The following ANKS1B variants were observed in gnomAD, a reference collection of about 807,000 sequenced individuals.
ANKS1B encodes the protein ankyrin repeat and sterile alpha motif domain containing 1B.
In ANKS1B, 36 loss-of-function variants were observed where a neutral mutation model predicts 148.3. The observed-to-expected ratio is 0.24, with a 90% CI of 0.19 to 0.32. The LOEUF is 0.32. ANKS1B is among the 10% of genes least tolerant of loss of function. The pLI, the probability that ANKS1B is intolerant of heterozygous loss-of-function variation, is 1.00. For synonymous variants in ANKS1B, 542 were observed against 560.8 expected, an observed-to-expected ratio of 0.97 and a Z score of 0.47; for missense variants, 1,157 against 1,542.6, an observed-to-expected ratio of 0.75 and a Z score of 4.19.
intron 17 of ANKS1B, among the ~76,000 whole-genome samples, chr12:98,984,822 C>A (rs770050475): frequency 6.6e-6 from 1 of 152,028 alleles, no homozygotes; most frequent in Non-Finnish European, 1.5e-5. Flanking sequence ...CCAGCCTGGG[C>A]AACATAGTGA....
intron 14 of ANKS1B, among the ~76,000 whole-genome samples, chr12:99,228,229 T>A (rs1264426875): frequency 6.6e-6 from 1 of 152,160 alleles, no homozygotes; most frequent in Non-Finnish European, 1.5e-5. Context: ...AGCAATCAGA[T>A]CTCTGAGCTC....
At chr12:99,203,678 C>T (rs1030325853) in intron 14 of ANKS1B, among the ~76,000 whole-genome samples, 1 of 152,150 alleles carries the variant, frequency 6.6e-6, no homozygotes, top group Non-Finnish European at 1.5e-5. Context: ...GTCTTGATCT[C>T]CTGACCTCGT....
intron 9 of ANKS1B, among the ~76,000 whole-genome samples, chr12:99,572,904 C>A (rs996503233): frequency 6.6e-6 from 1 of 151,900 alleles, no homozygotes; most frequent in East Asian, 1.9e-4. Context: ...TGTTTACATT[C>A]TTACGGTATA....
At chr12:99,687,756 T>C (rs2098657758) in intron 8 of ANKS1B, among the ~76,000 whole-genome samples, 1 of 152,222 alleles carries the variant, frequency 6.6e-6, no homozygotes, top group Non-Finnish European at 1.5e-5. Flanking sequence ...GTTTTATATA[T>C]ACATAATATA....
intron 17 of ANKS1B, among the ~76,000 whole-genome samples, chr12:98,900,943 T>C (rs1282404758): frequency 6.6e-6 from 1 of 152,234 alleles, no homozygotes; most frequent in Non-Finnish European, 1.5e-5. Flanking sequence ...TAGGAAATTT[T>C]TGTACTTCCC....
At chr12:99,225,340 T>G (rs1351963518) in intron 14 of ANKS1B, among the ~76,000 whole-genome samples, 1 of 152,166 alleles carries the variant, frequency 6.6e-6, no homozygotes, top group Non-Finnish European at 1.5e-5. Flanking sequence ...TAGCCCACTT[T>G]TGTCTTGATT....
At chr12:98,823,228 C>T (rs890651876) in intron 19 of ANKS1B, among the ~76,000 whole-genome samples, 1 of 152,284 alleles carries the variant, frequency 6.6e-6, no homozygotes, top group East Asian at 1.9e-4. Flanking sequence ...GCTGTCAAAT[C>T]GGAAGCTCCT....
chr12:99,233,795 T>C (rs1193493293), intron 14 of ANKS1B, among the ~76,000 whole-genome samples: 1 of 152,110 alleles, frequency 6.6e-6, no homozygotes, highest in Non-Finnish European at 1.5e-5. Context: ...TGATTTCTAT[T>C]AGTAAAACTA....
At chr12:99,713,029 A>C (rs1398263462) in intron 8 of ANKS1B, among the ~76,000 whole-genome samples, 3 of 152,200 alleles carry the variant, frequency 2.0e-5, no homozygotes, top group African/African-American at 7.2e-5. Flanking sequence ...CTTTCAGTCC[A>C]AGCTGGCAGT....
chr12:99,119,790 T>C (rs1447897582), intron 15 of ANKS1B, among the ~76,000 whole-genome samples: 1 of 152,202 alleles, frequency 6.6e-6, no homozygotes. Context: ...CTTAATGTCA[T>C]GGATAAGATC....
intron 17 of ANKS1B, among the ~76,000 whole-genome samples, chr12:99,044,863 GA>G (rs1333049908): frequency 6.6e-6 from 1 of 152,124 alleles, no homozygotes; most frequent in African/African-American, 2.4e-5. Flanking sequence ...TTACAAATGA[GA>G]AACTGAGTCC....
At chr12:99,264,473 A>T (rs1262566505) in intron 12 of ANKS1B, among the ~76,000 whole-genome samples, 1 of 152,172 alleles carries the variant, frequency 6.6e-6, no homozygotes, top group African/African-American at 2.4e-5. Context: ...TTATTCAACC[A>T]CATGAAGCGT....
intron 17 of ANKS1B, chr12:98,895,175 C>G (rs949078482): frequency 7.1e-6 from 7 of 985,148 alleles, no homozygotes; most frequent in Non-Finnish European, 8.4e-6. Flanking sequence ...CGGGCCCAGG[C>G]GCGGCGCGCG....
At chr12:99,413,478 C>A (rs1016233189) in intron 11 of ANKS1B, among the ~76,000 whole-genome samples, 4 of 152,146 alleles carry the variant, frequency 2.6e-5, no homozygotes, top group Non-Finnish European at 4.4e-5. Flanking sequence ...TCCTACTCTT[C>A]AGTCTATTGG....
intron 14 of ANKS1B, 186 bp from the exon 15 acceptor site, chr12:99,154,581 T>C: frequency 4.0e-6 from 6 of 1,498,736 alleles, no homozygotes; most frequent in East Asian, 2.4e-5. Context: ...TAAAACATAG[T>C]TTGCCAGGCA....
chr12:99,429,896 G>A (rs749718046), intron 11 of ANKS1B, among the ~76,000 whole-genome samples: 3 of 151,970 alleles, frequency 2.0e-5, no homozygotes, highest in Non-Finnish European at 2.9e-5. Flanking sequence ...CCCGGGAGGC[G>A]AAGCTTGCAG....
chr12:99,563,891 T>C (rs2097362799), intron 9 of ANKS1B, among the ~76,000 whole-genome samples: 1 of 152,206 alleles, frequency 6.6e-6, no homozygotes. Flanking sequence ...GCATGCACTT[T>C]AAAATTACAT....
At chr12:98,970,634 G>A (rs2099882363) in intron 17 of ANKS1B, among the ~76,000 whole-genome samples, 1 of 152,248 alleles carries the variant, frequency 6.6e-6, no homozygotes, top group East Asian at 1.9e-4. Context: ...GCTACGTAGG[G>A]CAAAGGCATG....
At chr12:99,588,021 T>C (rs1239334559) in intron 9 of ANKS1B, among the ~76,000 whole-genome samples, 2 of 152,116 alleles carry the variant, frequency 1.3e-5, no homozygotes, top group Non-Finnish European at 2.9e-5. Context: ...TCAGATATTA[T>C]GACATATTAC....
Sources: allele counts gnomAD v4.1 joint callset (sites outside exome capture counted in the v4.1 genomes callset), GRCh38; gene constraint gnomAD v4.1.1; transcripts MANE v1.5; gene names NCBI Gene and HGNC (gene_info 2026-07-23, HGNC 2026-07-21).